ZMYM2: variants seen among roughly 807,000 people sequenced by gnomAD.
The protein encoded by ZMYM2 is zinc finger MYM-type protein 2.
A neutral mutation model predicts 162.8 loss-of-function variants in ZMYM2; 56 were observed. The ratio of observed to expected loss-of-function variants is 0.34; its 90% CI spans 0.28 to 0.43. The LOEUF is 0.43. Ranked by LOEUF, ZMYM2 falls within the 20% of genes least tolerant of loss-of-function variation. The pLI is 1.00. For synonymous variants in ZMYM2, 510 were observed against 541.6 expected (o/e 0.94, Z 0.81); for missense variants, 1,275 against 1,621.8 (o/e 0.79, Z 3.67).
the ZMYM2 span, among the ~76,000 whole-genome samples, chr13:19,921,679 A>G: frequency 5.3e-5 from 8 of 152,290 alleles, no homozygotes. Flanking sequence ...ATATCTCACT[A>G]TGGTTCTTCA....
At chr13:19,919,972 C>T in the ZMYM2 span, among the ~76,000 whole-genome samples, 1 of 152,096 alleles carries the variant, frequency 6.6e-6, no homozygotes, top group Admixed American at 6.6e-5. Context: ...TGCACCTGGC[C>T]AAATTATTTA....
rs530663476 is a variant in ZMYM2 at position 20,086,631 on chromosome 13, T to C, written c.*617T>C. The C allele has an allele frequency of 1.0e-5, 2 of 194,476 alleles. No homozygotes were observed. Among genetic ancestry groups the C allele is most frequent in the Admixed American group, 6.1e-5 (1 of 16,420 alleles). 12.0% of individuals were successfully genotyped at this position (194,476 alleles called of 1,614,324 possible). The stretch of plus-strand genomic sequence containing the variant: ...TGCTGTCAATATTGGTGTACTGTAA[T>C]GTGAATCTATGCTGGTGAAAACAAT... On this transcript the variant is annotated 3_prime_UTR_variant, in exon 25 of 25. Coordinates refer to ENST00000610343, the MANE Select transcript of ZMYM2 (RefSeq NM_197968.4).
intron 2 of ZMYM2, among the ~76,000 whole-genome samples, chr13:19,988,431 G>T (rs1345195455): frequency 6.6e-6 from 1 of 152,130 alleles, no homozygotes; most frequent in Non-Finnish European, 1.5e-5. Flanking sequence ...AAATATTTGG[G>T]ACAATTGTCT....
chr13:19,938,576 T>G, the ZMYM2 span, among the ~76,000 whole-genome samples: 1 of 130,742 alleles, frequency 7.6e-6, no homozygotes, highest in African/African-American at 3.0e-5. Context: ...TAGTGTTAAA[T>G]AAAATTATGG....
At chr13:20,001,782 G>A (rs1462326625) in intron 3 of ZMYM2, among the ~76,000 whole-genome samples, 1 of 152,220 alleles carries the variant, frequency 6.6e-6, no homozygotes, top group Non-Finnish European at 1.5e-5. Context: ...TCAGCATTGA[G>A]GCAGGGCCCT....
At chr13:20,012,727 T>C (rs904942735) in intron 6 of ZMYM2, among the ~76,000 whole-genome samples, 4 of 152,244 alleles carry the variant, frequency 2.6e-5, no homozygotes, top group African/African-American at 9.6e-5. Flanking sequence ...CACCTGTTGA[T>C]GAAGGGATTA....
At chr13:19,999,383 G>A (rs9508994) in intron 3 of ZMYM2, among the ~76,000 whole-genome samples, 41,616 of 151,922 alleles carry the variant, frequency 0.27, 8,838 homozygotes, top group African/African-American at 0.59. Context: ...CCTTTTCATT[G>A]TTATTATATC....
the ZMYM2 span, among the ~76,000 whole-genome samples, chr13:19,877,211 C>A: frequency 6.4e-3 from 803 of 126,314 alleles, no homozygotes; most frequent in South Asian, 7.2e-3. Flanking sequence ...GACTCCGTCT[C>A]AAAAAAAAAA....
the ZMYM2 span, among the ~76,000 whole-genome samples, chr13:19,885,469 C>G: frequency 2.0e-5 from 3 of 152,092 alleles, no homozygotes; most frequent in Non-Finnish European, 4.4e-5. Flanking sequence ...AACTTAGCTG[C>G]TTAATTGCCA....
the ZMYM2 span, among the ~76,000 whole-genome samples, chr13:19,878,517 C>CT: frequency 0.028 from 2,739 of 98,928 alleles, 73 homozygotes; most frequent in African/African-American, 0.04. Context: ...TTCCTTTGCC[C>CT]TTTTTTTTTT....
rs199730105 is a variant in ZMYM2, at chr13:20,052,358, G to A, written c.2493+47G>A. The A allele has an allele frequency of 1.7e-4, 260 of 1,520,388 alleles. No individual in the cohort carries two copies. The African/African-American group carries it at 2.9e-3, about 17-fold the overall frequency. The allele number at this position is 1,520,388 out of a possible 1,614,324, so 94.2% of individuals were successfully genotyped here. ...TGCTGAATTGTGATTTTTGTAATAT[G>A]GGGTAAAAAATAATTAGGCCAATTT... On this transcript the variant is annotated intron_variant, in intron 14 of 24. Transcript: ENST00000610343.
Position 20,089,050 on chromosome 13 carries a change from C to G in ZMYM2, c.*3036C>G, listed in dbSNP as rs1958420633. ...TTGACTGTAGGATAATCTCCTTGTTCCCCTCAAAATAGTCATGAAAGTGTA... is the reference window on the plus strand; with the variant it reads ...TTGACTGTAGGATAATCTCCTTGTTGCCCTCAAAATAGTCATGAAAGTGTA... On this transcript the variant is annotated 3_prime_UTR_variant, in exon 25 of 25. Coordinates refer to ENST00000610343, the MANE Select transcript of ZMYM2 (RefSeq NM_197968.4). 1.0e-5 allele frequency: 2 copies of G among 197,364 alleles called. No homozygotes were observed. Among genetic ancestry groups the G allele is most frequent in the Non-Finnish European group, 1.1e-5 (1 of 95,236 alleles). 12.2% of individuals were successfully genotyped at this position (197,364 alleles called of 1,614,324 possible). A position where few individuals can be genotyped will look rare whatever the true frequency, so the allele number is the denominator to read the frequency against.
At chr13:19,965,859 C>G in intron 2 of ZMYM2, among the ~76,000 whole-genome samples, 1 of 149,536 alleles carries the variant, frequency 6.7e-6, no homozygotes, top group African/African-American at 2.5e-5. Flanking sequence ...CTGCAACCTC[C>G]GCCTCCTGGG....
In ZMYM2 at chr13:19,994,447, A is replaced by G. The variant is rs556728085; in HGVS notation, c.847+528A>G. On this transcript the variant is annotated intron_variant, in intron 3 of 24. Coordinates refer to ENST00000610343, the MANE Select transcript of ZMYM2 (RefSeq NM_197968.4). ...TAAATTAGAGAACCAAAAGATTAAT[A>G]TAATAGCACACTTAAAGAACAGTGT... Among the ~76,000 whole-genome samples the G allele has an allele frequency of 5.9e-5, 9 of 152,382 alleles. No individual in the cohort carries two copies. In the East Asian group the frequency reaches 1.7e-3, roughly 29 times the overall value.
chr13:20,056,354 C>G (rs1223012010), intron 14 of ZMYM2, among the ~76,000 whole-genome samples: 2 of 152,206 alleles, frequency 1.3e-5, no homozygotes, highest in Non-Finnish European at 2.9e-5. Flanking sequence ...AGTTTTATTA[C>G]TGGATAATGC....
chr13:19,985,085 T>A (rs536955890), intron 2 of ZMYM2, among the ~76,000 whole-genome samples: 1 of 152,322 alleles, frequency 6.6e-6, no homozygotes, highest in South Asian at 2.1e-4. Flanking sequence ...GGTACTTTCC[T>A]TATGACAAGT....
At chr13:19,963,385 A>G (rs996828516) in intron 2 of ZMYM2, among the ~76,000 whole-genome samples, 5 of 152,212 alleles carry the variant, frequency 3.3e-5, no homozygotes, top group African/African-American at 1.2e-4. Context: ...GGTCTCCAAT[A>G]TATAACACTT....
At chr13:19,995,293 G>A (rs935234215) in intron 3 of ZMYM2, among the ~76,000 whole-genome samples, 1 of 152,032 alleles carries the variant, frequency 6.6e-6, no homozygotes, top group Non-Finnish European at 1.5e-5. Flanking sequence ...TCTACAACTC[G>A]ATAATGCCGT....
chr13:19,932,451 C>T, the ZMYM2 span, among the ~76,000 whole-genome samples: 2 of 151,962 alleles, frequency 1.3e-5, no homozygotes, highest in African/African-American at 4.8e-5. Flanking sequence ...AGTTCAAGAC[C>T]AGCCTGGTCA....
Sources: gnomAD v4.1 joint callset for allele counts (sites outside exome capture counted in the v4.1 genomes callset) on GRCh38, gnomAD v4.1.1 for gene constraint, MANE v1.5 for transcripts, NCBI Gene and HGNC (gene_info 2026-07-23, HGNC 2026-07-21) for gene names.